Variants in CLSTN2 observed in about 807,000 individuals in gnomAD.
CLSTN2 encodes the protein calsyntenin 2, also known as calsyntenin-2.
A neutral mutation model predicts 101.2 loss-of-function variants in CLSTN2; 48 were observed. That is an observed-to-expected ratio of 0.47 (90% CI 0.38 to 0.60). The LOEUF is 0.60. Among genes scored for constraint, CLSTN2 ranks in the 20% least tolerant of loss-of-function variants. The probability of loss-of-function intolerance (pLI) is 0.00; values close to 1 mark genes in which losing one functional copy is unlikely to be tolerated. For synonymous variants in CLSTN2, 481 were observed against 463.6 expected (o/e 1.04, Z -0.48); for missense variants, 1,160 against 1,238.2 (o/e 0.94, Z 0.95).
intron 1 of CLSTN2, among the ~76,000 whole-genome samples, chr3:139,975,303 A>G (rs774587249): frequency 3.3e-4 from 50 of 152,176 alleles, no homozygotes; most frequent in Non-Finnish European, 5.7e-4. Flanking sequence ...GAACTGAATG[A>G]GTTCTTCAGG....
chr3:140,283,538 G>A (rs567904467), intron 2 of CLSTN2, among the ~76,000 whole-genome samples: 1 of 152,248 alleles, frequency 6.6e-6, no homozygotes, highest in African/African-American at 2.4e-5. Flanking sequence ...GGGGTTAGGG[G>A]ATGGGCACGA....
At chr3:140,545,297 GCA>G (rs929573789) in intron 9 of CLSTN2, among the ~76,000 whole-genome samples, 9 of 152,294 alleles carry the variant, frequency 5.9e-5, no homozygotes, top group Admixed American at 3.9e-4. Context: ...TCCCACTGGA[GCA>G]CACACTGTTA....
At chr3:140,206,699 G>A (rs551617546) in intron 2 of CLSTN2, among the ~76,000 whole-genome samples, 79 of 152,290 alleles carry the variant, frequency 5.2e-4, no homozygotes, top group South Asian at 6.2e-4. Context: ...CTGAGACTAG[G>A]TTTAAAATCT....
chr3:139,969,212 G>A (rs1935652594), intron 1 of CLSTN2, among the ~76,000 whole-genome samples: 1 of 152,152 alleles, frequency 6.6e-6, no homozygotes, highest in South Asian at 2.1e-4. Context: ...ACTAGTAAAT[G>A]TCAGGGCTGC....
Position 140,345,881 on chromosome 3 carries a change from G to A in CLSTN2, c.233-57748G>A, listed in dbSNP as rs185542386. On this transcript the variant is annotated intron_variant, in intron 2 of 16. Coordinates refer to ENST00000458420, the MANE Select transcript of CLSTN2 (RefSeq NM_022131.3). ...TGCTCCTAATTTAAAGGAATCCAAA[G>A]CCTTTCGCTGTGAATGATCATTCTG... Among the ~76,000 whole-genome samples the A allele has an allele frequency of 9.8e-5, 15 of 152,292 alleles. No homozygotes were observed. In the East Asian group the frequency reaches 2.7e-3, roughly 27 times the overall value.
At chr3:140,181,304 T>C (rs563406545) in intron 2 of CLSTN2, among the ~76,000 whole-genome samples, 77 of 152,328 alleles carry the variant, frequency 5.1e-4, no homozygotes, top group Non-Finnish European at 8.8e-4. Flanking sequence ...TAAATCATAG[T>C]TGTGATAATC....
At chr3:140,135,153 T>C (rs2009596014) in intron 1 of CLSTN2, among the ~76,000 whole-genome samples, 3 of 127,582 alleles carry the variant, frequency 2.4e-5, no homozygotes, top group Admixed American at 2.3e-4. Flanking sequence ...TATATATATA[T>C]ATATATATAA....
intron 2 of CLSTN2, among the ~76,000 whole-genome samples, chr3:140,215,915 T>A (rs996498248): frequency 1.3e-5 from 2 of 152,198 alleles, no homozygotes; most frequent in African/African-American, 4.8e-5. Flanking sequence ...ACACTAGGTA[T>A]TTCAAACAAA....
At chr3:139,972,277 T>A (rs1461775854) in intron 1 of CLSTN2, among the ~76,000 whole-genome samples, 1 of 151,172 alleles carries the variant, frequency 6.6e-6, no homozygotes, top group East Asian at 2.0e-4. Context: ...AAAAAAAAAG[T>A]TTGATAGGAC....
intron 1 of CLSTN2, among the ~76,000 whole-genome samples, chr3:140,072,997 C>A (rs2008420610): frequency 6.6e-6 from 1 of 152,178 alleles, no homozygotes; most frequent in Non-Finnish European, 1.5e-5. Flanking sequence ...ACTCTGAAAC[C>A]TTTATCTCCA....
intron 2 of CLSTN2, among the ~76,000 whole-genome samples, chr3:140,360,993 T>C (rs531825862): frequency 6.6e-6 from 1 of 152,286 alleles, no homozygotes; most frequent in South Asian, 2.1e-4. Context: ...GAAGAAATAC[T>C]TGTTGGTTTT....
chr3:140,349,877 G>C (rs1029904264), intron 2 of CLSTN2, among the ~76,000 whole-genome samples: 3 of 152,126 alleles, frequency 2.0e-5, no homozygotes, highest in African/African-American at 7.2e-5. Flanking sequence ...CTGATGGCAG[G>C]CTTCATAACA....
chr3:140,266,308 G>A (rs1224451164), intron 2 of CLSTN2, among the ~76,000 whole-genome samples: 1 of 152,118 alleles, frequency 6.6e-6, no homozygotes, highest in Non-Finnish European at 1.5e-5. Flanking sequence ...ACAAAGTAAA[G>A]CAACATTAGA....
intron 8 of CLSTN2, chr3:140,507,918 C>T (rs1490930940): frequency 6.6e-6 from 1 of 152,160 alleles, no homozygotes; most frequent in African/African-American, 2.4e-5. Flanking sequence ...CTACACTCAG[C>T]AAGTTTAAGA....
At chr3:140,531,090 T>C (rs1935247165) in intron 8 of CLSTN2, among the ~76,000 whole-genome samples, 1 of 151,948 alleles carries the variant, frequency 6.6e-6, no homozygotes, top group South Asian at 2.1e-4. Context: ...CAGGCCTAGC[T>C]TGAGAGCCCT....
intron 1 of CLSTN2, among the ~76,000 whole-genome samples, chr3:140,023,734 C>T (rs1023177278): frequency 5.9e-5 from 9 of 152,184 alleles, no homozygotes; most frequent in Non-Finnish European, 1.0e-4. Flanking sequence ...GAGCAGACTC[C>T]TTGTTTACCA....
At chr3:140,337,349 C>T (rs1306465796) in intron 2 of CLSTN2, among the ~76,000 whole-genome samples, 1 of 152,136 alleles carries the variant, frequency 6.6e-6, no homozygotes, top group Non-Finnish European at 1.5e-5. Flanking sequence ...CCAGACATTC[C>T]TTGGCTTGTC....
chr3:140,001,828 A>G (rs544038733), intron 1 of CLSTN2, among the ~76,000 whole-genome samples: 2 of 151,982 alleles, frequency 1.3e-5, no homozygotes, highest in South Asian at 2.1e-4. Flanking sequence ...CATGAGTTCA[A>G]TTGTTTTAAT....
chr3:140,360,048 C>T (rs1266951085), intron 2 of CLSTN2, among the ~76,000 whole-genome samples: 2 of 151,740 alleles, frequency 1.3e-5, no homozygotes, highest in East Asian at 3.9e-4. Context: ...ATAGTTTCCT[C>T]ATACAATTTC....
Sources: allele counts gnomAD v4.1 joint callset (sites outside exome capture counted in the v4.1 genomes callset), GRCh38; gene constraint gnomAD v4.1.1; transcripts MANE v1.5; gene names NCBI Gene and HGNC (gene_info 2026-07-23, HGNC 2026-07-21).